LARGE1: variants seen among roughly 807,000 people sequenced by gnomAD.
The protein encoded by LARGE1 is xylosyl- and glucuronyltransferase LARGE1.
In LARGE1, 43 loss-of-function variants were observed where a neutral mutation model predicts 87.6. The ratio of observed to expected loss-of-function variants is 0.49; its 90% CI spans 0.38 to 0.63. LARGE1 has a LOEUF of 0.63. Among genes scored for constraint, LARGE1 ranks in the 30% least tolerant of loss-of-function variants. LARGE1 has a pLI of 0.00. For missense variants in LARGE1, 802 were observed against 1,000.2 expected (o/e 0.80, Z 2.67); for synonymous variants, 434 against 394.6 (o/e 1.10, Z -1.18).
chr22:33,561,223 T>A (rs1243753772), intron 6 of LARGE1, among the ~76,000 whole-genome samples: 5 of 152,312 alleles, frequency 3.3e-5, no homozygotes, highest in South Asian at 2.1e-4. Flanking sequence ...GCCACCTGCC[T>A]CCTCACCAGC....
intron 4 of LARGE1, among the ~76,000 whole-genome samples, chr22:33,609,008 T>C (rs994804464): frequency 2.0e-5 from 3 of 152,220 alleles, no homozygotes; most frequent in African/African-American, 7.2e-5. Flanking sequence ...ATGATACTGC[T>C]TTTTTTCTCT....
chr22:33,666,754 T>G (rs1210979390), intron 2 of LARGE1, among the ~76,000 whole-genome samples: 3 of 152,176 alleles, frequency 2.0e-5, no homozygotes, highest in Non-Finnish European at 4.4e-5. Context: ...TCACAGTTTC[T>G]CTACTGATGA....
Position 33,352,878 on chromosome 22 carries a change from A to G in LARGE1, c.1132-15077T>C, listed in dbSNP as rs552408582. Among the ~76,000 whole-genome samples the G allele has an allele frequency of 3.6e-4, 55 of 152,330 alleles. 2 individuals carry two copies. The South Asian group carries it at 0.011, about 30-fold the overall frequency. On this transcript the variant is annotated intron_variant, in intron 9 of 14. Transcript: ENST00000397394. ...TTTAAGTCTAACATCCTTCCAAATA[A>G]AAGTTTATAATTAAAAAAGGGAGTT...
chr22:33,194,722 T>C (rs1054275677), intron 11 of LARGE1, among the ~76,000 whole-genome samples: 1 of 152,152 alleles, frequency 6.6e-6, no homozygotes, highest in Admixed American at 6.6e-5. Context: ...GGCCACATTC[T>C]TGAGATGCCA....
At chr22:33,176,803 C>T (rs944286330) in intron 11 of LARGE1, among the ~76,000 whole-genome samples, 3 of 152,162 alleles carry the variant, frequency 2.0e-5, no homozygotes, top group African/African-American at 4.8e-5. Flanking sequence ...AATCTCATTA[C>T]TGGATATATA....
intron 2 of LARGE1, among the ~76,000 whole-genome samples, chr22:33,705,953 G>T (rs1024832051): frequency 7.2e-5 from 11 of 152,158 alleles, no homozygotes; most frequent in Non-Finnish European, 1.5e-4. Flanking sequence ...ATAGATGAAA[G>T]AATTGGAGCT....
At chr22:33,445,440 A>G (rs1171603538) in intron 6 of LARGE1, among the ~76,000 whole-genome samples, 1 of 152,208 alleles carries the variant, frequency 6.6e-6, no homozygotes, top group East Asian at 1.9e-4. Context: ...AGGATTTAAT[A>G]GACATCTGAA....
the LARGE1 span, among the ~76,000 whole-genome samples, chr22:33,133,843 C>T: frequency 6.6e-6 from 1 of 151,944 alleles, no homozygotes; most frequent in Non-Finnish European, 1.5e-5. Context: ...TCTCCAGCAT[C>T]TGTTGTTTCT....
At chr22:33,528,785 C>T (rs962782103) in intron 6 of LARGE1, among the ~76,000 whole-genome samples, 2 of 152,166 alleles carry the variant, frequency 1.3e-5, no homozygotes, top group African/African-American at 4.8e-5. Flanking sequence ...TCACGGCCGA[C>T]AACTTAGTTG....
At chr22:33,727,335 C>T (rs546299204) in intron 2 of LARGE1, among the ~76,000 whole-genome samples, 15 of 152,268 alleles carry the variant, frequency 9.9e-5, no homozygotes, top group East Asian at 3.9e-4. Flanking sequence ...GATCCATTCA[C>T]CATCTGATTC....
chr22:33,882,805 C>A (rs2064734845), intron 1 of LARGE1, among the ~76,000 whole-genome samples: 1 of 152,100 alleles, frequency 6.6e-6, no homozygotes, highest in Non-Finnish European at 1.5e-5. Context: ...ATTCTCCTAC[C>A]TTTGCTATGA....
At chr22:33,642,231 C>A (rs759578853) in intron 3 of LARGE1, among the ~76,000 whole-genome samples, 9 of 152,188 alleles carry the variant, frequency 5.9e-5, no homozygotes, top group Non-Finnish European at 1.2e-4. Context: ...CAATATTCAA[C>A]ATTCTTAAAG....
Position 33,766,825 on chromosome 22 carries a change from C to A in LARGE1, c.-82-5267G>T, listed in dbSNP as rs571410649. On this transcript the variant is annotated intron_variant, in intron 1 of 14. Coordinates refer to ENST00000397394, the MANE Select transcript of LARGE1 (RefSeq NM_133642.5). ...AAGCAATAAATTTTATATACGTGTA[C>A]AAATAACCTATATACCTATATAAGA... is the stretch of plus-strand genomic sequence containing the variant. Among the ~76,000 whole-genome samples the A allele has an allele frequency of 3.3e-5, 5 of 150,578 alleles. No homozygotes were observed. In the East Asian group the frequency reaches 5.9e-4, roughly 18 times the overall value.
chr22:33,099,056 C>T, the LARGE1 span, among the ~76,000 whole-genome samples: 1 of 152,056 alleles, frequency 6.6e-6, no homozygotes, highest in Non-Finnish European at 1.5e-5. Context: ...CAAGTTTCTC[C>T]CATGTGTTAA....
chr22:33,612,694 C>T (rs1033668519), intron 4 of LARGE1, among the ~76,000 whole-genome samples: 4 of 152,208 alleles, frequency 2.6e-5, no homozygotes, highest in Admixed American at 6.5e-5. Flanking sequence ...AGAGAGACCA[C>T]GTCTACAGGA....
chr22:33,491,546 G>GAA (rs1290531610), intron 6 of LARGE1, among the ~76,000 whole-genome samples: 2 of 152,214 alleles, frequency 1.3e-5, no homozygotes, highest in African/African-American at 4.8e-5. Flanking sequence ...GAAGATGAAA[G>GAA]AATCTTCTCA....
chr22:33,360,756 G>A (rs2064359254), intron 9 of LARGE1, among the ~76,000 whole-genome samples: 1 of 149,584 alleles, frequency 6.7e-6, no homozygotes, highest in Non-Finnish European at 1.5e-5. Context: ...TAAACTGCGT[G>A]ATGTTTGCAG....
chr22:33,352,974 T>C (rs757955180), intron 9 of LARGE1, among the ~76,000 whole-genome samples: 4 of 152,216 alleles, frequency 2.6e-5, no homozygotes, highest in Non-Finnish European at 4.4e-5. Context: ...ACAGCTGAGC[T>C]GACACTTCTG....
At chr22:33,242,128 A>ATTATT (rs1260293362) in intron 11 of LARGE1, among the ~76,000 whole-genome samples, 1 of 152,160 alleles carries the variant, frequency 6.6e-6, no homozygotes, top group Admixed American at 6.5e-5. Flanking sequence ...TATTTAAAAT[A>ATTATT]TTATTTTTTC....
Sources: gnomAD v4.1 joint callset for allele counts (sites outside exome capture counted in the v4.1 genomes callset) on GRCh38, gnomAD v4.1.1 for gene constraint, MANE v1.5 for transcripts, NCBI Gene and HGNC (gene_info 2026-07-23, HGNC 2026-07-21) for gene names.